The following BCAT1 variants were observed in gnomAD, a reference collection of about 807,000 sequenced individuals.
BCAT1 encodes the protein branched-chain-amino-acid aminotransferase, cytosolic.
Under a neutral mutation model 52.4 loss-of-function variants are expected in BCAT1, and 48 were observed. The observed-to-expected ratio is 0.92, with a 90% CI of 0.73 to 1.16. The LOEUF (loss-of-function observed/expected upper bound fraction) is 1.16, where lower values mean the gene tolerates loss of function less well. Among genes scored for constraint, BCAT1 ranks in the 50% most tolerant of loss-of-function variants. The pLI is 0.00. For missense variants in BCAT1, 451 were observed against 457.1 expected (o/e 0.99, Z 0.12); for synonymous variants, 167 against 161.3 (o/e 1.04, Z -0.27).
chr12:24,881,071 G>T lies in BCAT1; in HGVS notation c.390+230C>A, dbSNP rs116551805. On this transcript the variant is annotated intron_variant, in intron 4 of 10. Transcript: ENST00000261192. ...GCTTGTCTCCAATTCCTGGTTTCAAGTGATCCACCCACCTCAGTCTCCCAG... is the reference window on the plus strand; with the variant it reads ...GCTTGTCTCCAATTCCTGGTTTCAATTGATCCACCCACCTCAGTCTCCCAG... Among the ~76,000 whole-genome samples, 1,134 of 152,258 alleles carry T rather than the reference G, an allele frequency of 7.4e-3. 9 individuals are homozygous for T. The highest frequency in any genetic ancestry group is 0.026 in the African/African-American group (1,098 of 41,544).
intron 2 of BCAT1, among the ~76,000 whole-genome samples, chr12:24,901,351 C>A (rs545276406): frequency 6.6e-6 from 1 of 152,326 alleles, no homozygotes; most frequent in South Asian, 2.1e-4. Context: ...CAGTTTTCAA[C>A]GTGCTTTGTT....
chr12:24,880,887 G>A (rs1193017247), intron 4 of BCAT1, among the ~76,000 whole-genome samples: 2 of 151,072 alleles, frequency 1.3e-5, no homozygotes, highest in African/African-American at 4.9e-5. Context: ...TTAGGCTGGA[G>A]GGCAGTGATG....
intron 5 of BCAT1, among the ~76,000 whole-genome samples, chr12:24,858,164 C>T (rs1941746252): frequency 6.6e-6 from 1 of 152,126 alleles, no homozygotes; most frequent in African/African-American, 2.4e-5. Context: ...GCCAGTAATC[C>T]AATTAAGATT....
At chr12:24,912,198 A>G (rs1165866306) in intron 1 of BCAT1, among the ~76,000 whole-genome samples, 1 of 152,208 alleles carries the variant, frequency 6.6e-6, no homozygotes, top group African/African-American at 2.4e-5. Context: ...AACCAGTTCT[A>G]GTAAATACAT....
At chr12:24,944,946 C>G (rs968480629) in intron 1 of BCAT1, among the ~76,000 whole-genome samples, 3 of 152,070 alleles carry the variant, frequency 2.0e-5, no homozygotes, top group African/African-American at 7.2e-5. Context: ...CCATTAATTA[C>G]TGAACACAAG....
At chr12:24,848,161 A>T (rs1304808161) in intron 6 of BCAT1, among the ~76,000 whole-genome samples, 2 of 152,200 alleles carry the variant, frequency 1.3e-5, no homozygotes, top group African/African-American at 2.4e-5. Context: ...GTCAATTTCC[A>T]TGGATCATAG....
intron 1 of BCAT1, among the ~76,000 whole-genome samples, chr12:24,918,873 T>G (rs1347035232): frequency 6.6e-6 from 1 of 152,212 alleles, no homozygotes; most frequent in Non-Finnish European, 1.5e-5. Flanking sequence ...TAACATTGCA[T>G]GTAATAGACT....
At chr12:24,877,178 A>T (rs1942372015) in intron 5 of BCAT1, among the ~76,000 whole-genome samples, 2 of 152,186 alleles carry the variant, frequency 1.3e-5, no homozygotes, top group South Asian at 4.1e-4. Context: ...TTGCATTCAT[A>T]CAGCCTAGTA....
chr12:24,909,761 G>C (rs1943285737), intron 1 of BCAT1, among the ~76,000 whole-genome samples: 2 of 152,192 alleles, frequency 1.3e-5, no homozygotes, highest in Admixed American at 6.5e-5. Context: ...CTAAGACTAA[G>C]CATATACACT....
chr12:24,935,840 C>T (rs1335821584), intron 1 of BCAT1, among the ~76,000 whole-genome samples: 1 of 152,116 alleles, frequency 6.6e-6, no homozygotes, highest in Non-Finnish European at 1.5e-5. Context: ...GATCTTTTTC[C>T]TCCAGTTTCC....
At chr12:24,832,492 C>A (rs1313925779) in intron 9 of BCAT1, among the ~76,000 whole-genome samples, 1 of 152,072 alleles carries the variant, frequency 6.6e-6, no homozygotes, top group Non-Finnish European at 1.5e-5. Context: ...ATTGCGTGAG[C>A]CCAGGAGTTT....
At chr12:24,883,218 GGA>G (rs1942553189) in intron 3 of BCAT1, among the ~76,000 whole-genome samples, 1 of 152,132 alleles carries the variant, frequency 6.6e-6, no homozygotes. Flanking sequence ...CCCAGGAGGC[GGA>G]GATTGTGGTG....
chr12:24,892,585 G>A (rs11047690), intron 3 of BCAT1, among the ~76,000 whole-genome samples: 2 of 152,142 alleles, frequency 1.3e-5, no homozygotes, highest in African/African-American at 4.8e-5. Context: ...AGGAGCAGTG[G>A]CTCATGGCTG....
chr12:24,943,308 C>T (rs1943875166), intron 1 of BCAT1, among the ~76,000 whole-genome samples: 1 of 151,890 alleles, frequency 6.6e-6, no homozygotes, highest in African/African-American at 2.4e-5. Flanking sequence ...GCCAGTGCAA[C>T]ATGGAGAAAC....
In BCAT1 at chr12:24,815,684, C is replaced by T. The variant is rs1939850896; in HGVS notation, c.*2324G>A. Reference sequence around the variant, plus strand: ...TTGTGTTCTCCTTATCAGGAGACCTCCAGTTTTTAAACATCTATCCTTAGT... The same window carrying T: ...TTGTGTTCTCCTTATCAGGAGACCTTCAGTTTTTAAACATCTATCCTTAGT... On this transcript the variant is annotated 3_prime_UTR_variant, in exon 11 of 11. Coordinates refer to ENST00000261192, the MANE Select transcript of BCAT1 (RefSeq NM_005504.7). 1.3e-5 allele frequency: 2 copies of T among 152,230 alleles called. No individual in the cohort carries two copies. The highest frequency in any genetic ancestry group is 2.1e-4 in the South Asian group (1 of 4,826). The allele number at this position is 152,230 out of a possible 1,614,324, so 9.4% of individuals were successfully genotyped here.
intron 8 of BCAT1, among the ~76,000 whole-genome samples, chr12:24,835,722 G>A (rs1355794102): frequency 6.6e-6 from 1 of 152,046 alleles, no homozygotes; most frequent in African/African-American, 2.4e-5. Flanking sequence ...CCAAGTAGCT[G>A]GGACTACAGG....
intron 1 of BCAT1, among the ~76,000 whole-genome samples, chr12:24,913,451 T>A (rs1242212878): frequency 6.6e-6 from 1 of 152,144 alleles, no homozygotes; most frequent in African/African-American, 2.4e-5. Flanking sequence ...TGGCACCAAG[T>A]AGATGGTAGT....
chr12:24,880,203 C>T (rs1366610255), intron 4 of BCAT1, among the ~76,000 whole-genome samples: 1 of 152,188 alleles, frequency 6.6e-6, no homozygotes, highest in Non-Finnish European at 1.5e-5. Flanking sequence ...AATCCCAGAA[C>T]TTTGGGAGGC....
intron 5 of BCAT1, among the ~76,000 whole-genome samples, chr12:24,873,060 T>C (rs1366201624): frequency 2.6e-4 from 39 of 152,262 alleles, no homozygotes. Context: ...TGTACCACTG[T>C]ACCTGCATGG....
Sources: gnomAD v4.1 joint callset for allele counts (sites outside exome capture counted in the v4.1 genomes callset) on GRCh38, gnomAD v4.1.1 for gene constraint, MANE v1.5 for transcripts, NCBI Gene and HGNC (gene_info 2026-07-23, HGNC 2026-07-21) for gene names.